Variants in DCDC2C observed in about 807,000 individuals in gnomAD.
The protein encoded by DCDC2C is doublecortin domain containing 2C.
In DCDC2C, 44 loss-of-function variants were observed where a neutral mutation model predicts 45.0. That is an observed-to-expected ratio of 0.98 (90% confidence interval 0.77 to 1.26). The LOEUF is 1.26. Ranked by LOEUF, DCDC2C falls within the 50% of genes most tolerant of loss-of-function variation. The pLI, the probability that DCDC2C is intolerant of heterozygous loss-of-function variation, is 0.00. For missense variants in DCDC2C, 447 were observed against 468.9 expected (o/e 0.95, Z 0.43); for synonymous variants, 187 against 178.8 (o/e 1.05, Z -0.37).
intron 10 of DCDC2C, among the ~76,000 whole-genome samples, chr2:3,813,653 T>TTTTTAC (rs1671475787): frequency 6.6e-6 from 1 of 151,112 alleles, no homozygotes; most frequent in Non-Finnish European, 1.5e-5. Flanking sequence ...TTTTTTTTTT[T>TTTTTAC]ACCATTATGT....
At chr2:3,833,596 A>C (rs1672003237) in intron 10 of DCDC2C, among the ~76,000 whole-genome samples, 1 of 152,204 alleles carries the variant, frequency 6.6e-6, no homozygotes, top group African/African-American at 2.4e-5. Context: ...GTCTAGCATA[A>C]GGTCCTTTGG....
chr2:3,787,106 C>T (rs1302785124), intron 10 of DCDC2C, among the ~76,000 whole-genome samples: 13 of 152,088 alleles, frequency 8.5e-5, no homozygotes, highest in African/African-American at 1.2e-4. Context: ...CCTAAGTGCA[C>T]GTGACTGGGA....
intron 2 of DCDC2C, among the ~76,000 whole-genome samples, chr2:3,712,103 G>A (rs1668226716): frequency 6.6e-6 from 1 of 152,168 alleles, no homozygotes; most frequent in South Asian, 2.1e-4. Flanking sequence ...AACCCTGAAT[G>A]AGTTGGAACC....
chr2:3,823,513 A>G (rs1018590104), intron 10 of DCDC2C, among the ~76,000 whole-genome samples: 1 of 152,114 alleles, frequency 6.6e-6, no homozygotes, highest in Non-Finnish European at 1.5e-5. Flanking sequence ...TAATTTCTTT[A>G]TCTTCTACCC....
chr2:3,760,838 A>C (rs890295444), intron 6 of DCDC2C, among the ~76,000 whole-genome samples: 1 of 113,544 alleles, frequency 8.8e-6, no homozygotes, highest in East Asian at 3.6e-4. Context: ...CAGAACTTAA[A>C]GTAAAATAAA....
At chr2:3,784,960 C>A in intron 9 of DCDC2C, 99 bp from the exon 10 acceptor site, 1 of 870,328 alleles carries the variant, frequency 1.1e-6, no homozygotes, top group Non-Finnish European at 1.5e-6. Context: ...AAGAATTTGA[C>A]CTCCCTGAGA....
At chr2:3,713,044 C>T (rs1668257820) in intron 2 of DCDC2C, among the ~76,000 whole-genome samples, 1 of 152,246 alleles carries the variant, frequency 6.6e-6, no homozygotes, top group Admixed American at 6.5e-5. Context: ...GGTTAAGCAC[C>T]ATCTGCTGTT....
At chr2:3,748,323 T>A (rs1392024909) in intron 4 of DCDC2C, among the ~76,000 whole-genome samples, 1 of 141,710 alleles carries the variant, frequency 7.1e-6, no homozygotes, top group Non-Finnish European at 1.5e-5. Context: ...TGGGACTTGC[T>A]GATCAACCTC....
chr2:3,776,294 G>A lies in DCDC2C; in HGVS notation c.955-2522G>A, dbSNP rs1277380377. Among the ~76,000 whole-genome samples, 10 of 152,328 alleles carry A rather than the reference G, an allele frequency of 6.6e-5. No individual in the cohort carries two copies. The East Asian group carries it at 1.9e-3, about 29-fold the overall frequency. On this transcript the variant is annotated intron_variant, in intron 8 of 10. Transcript: ENST00000399143. ...CTTGGTCTCAGTCCTCTTTGAGCGT[G>A]TCTGTCTCCCCTCATGCGTGGAGCT... is the stretch of plus-strand genomic sequence containing the variant.
intron 4 of DCDC2C, among the ~76,000 whole-genome samples, chr2:3,746,704 C>T (rs1329069518): frequency 6.6e-6 from 1 of 152,214 alleles, no homozygotes; most frequent in Non-Finnish European, 1.5e-5. Flanking sequence ...GAGGATTGCA[C>T]AGCCTTGCTG....
At chr2:3,704,252 T>C (rs1572542160) in intron 1 of DCDC2C, 3 of 405,616 alleles carry the variant, frequency 7.4e-6, no homozygotes, top group Non-Finnish European at 1.3e-5. Flanking sequence ...GCCCCCAGGG[T>C]CCCTTCCTAT....
intron 10 of DCDC2C, among the ~76,000 whole-genome samples, chr2:3,810,219 A>G (rs1207510887): frequency 6.6e-6 from 1 of 152,202 alleles, no homozygotes; most frequent in Non-Finnish European, 1.5e-5. Context: ...AACAGTGTAA[A>G]AGCATTCTGA....
chr2:3,837,613 A>C (rs1360162768), intron 10 of DCDC2C, among the ~76,000 whole-genome samples: 6 of 101,886 alleles, frequency 5.9e-5, no homozygotes, highest in East Asian at 2.5e-4. Context: ...AAAGGGGAAG[A>C]AACTGAGGAA....
In DCDC2C at chr2:3,769,155, G is replaced by A. The variant is rs1670092936; in HGVS notation, c.854-156G>A. 6.4e-6 allele frequency: 4 copies of A among 622,668 alleles called. No individual in the cohort carries two copies. In the Admixed American group the frequency reaches 8.1e-5, roughly 13 times the overall value. The allele number at this position is 622,668 out of a possible 1,614,324, so 38.6% of individuals were successfully genotyped here. A position where few individuals can be genotyped will look rare whatever the true frequency, so the allele number is the denominator to read the frequency against. ...CAAACAGGAAGGGCGAGAGGGAAACGGGGTGAGGCGGACGGGGTTTGGGAC... is the reference window on the plus strand; with the variant it reads ...CAAACAGGAAGGGCGAGAGGGAAACAGGGTGAGGCGGACGGGGTTTGGGAC... On this transcript the variant is annotated intron_variant, in intron 7 of 10. Transcript: ENST00000399143.
At chr2:3,770,000 A>T (rs6720814) in intron 8 of DCDC2C, among the ~76,000 whole-genome samples, 1 of 151,778 alleles carries the variant, frequency 6.6e-6, no homozygotes, top group Non-Finnish European at 1.5e-5. Flanking sequence ...AGGAGTGGGG[A>T]GCAGGGTTCT....
At chr2:3,788,999 G>A (rs115745142) in intron 10 of DCDC2C, among the ~76,000 whole-genome samples, 21 of 152,038 alleles carry the variant, frequency 1.4e-4, no homozygotes, top group Admixed American at 7.9e-4. Context: ...CACGTGTGCC[G>A]CCATACCCAG....
At chr2:3,716,292 A>G (rs1668347644) in intron 2 of DCDC2C, among the ~76,000 whole-genome samples, 1 of 152,112 alleles carries the variant, frequency 6.6e-6, no homozygotes, top group Non-Finnish European at 1.5e-5. Flanking sequence ...AGGGCTGGAG[A>G]AAGTCCAGGT....
In DCDC2C at chr2:3,727,627, C is replaced by G. The variant is rs112630458; in HGVS notation, c.416+548C>G. ...GGGATGCCGCTGGCAGTGCCAGGCA[C>G]CGAGGTGCTCAGTGGGAGGCACTGG... On this transcript the variant is annotated intron_variant, in intron 3 of 10. Coordinates refer to ENST00000399143, the MANE Select transcript of DCDC2C (RefSeq NM_001287444.2). 6.5e-3 allele frequency among the ~76,000 whole-genome samples: 987 copies of G among 152,318 alleles called. 13 individuals carry two copies. Among genetic ancestry groups the G allele is most frequent in the African/African-American group, 0.023 (943 of 41,570 alleles).
intron 10 of DCDC2C, among the ~76,000 whole-genome samples, chr2:3,823,214 G>A (rs1427696635): frequency 6.6e-6 from 1 of 151,856 alleles, no homozygotes; most frequent in Non-Finnish European, 1.5e-5. Flanking sequence ...TAATTTTTCT[G>A]TGGTTTCCTC....
Sources: gnomAD v4.1 joint callset for allele counts (sites outside exome capture counted in the v4.1 genomes callset) on GRCh38, gnomAD v4.1.1 for gene constraint, MANE v1.5 for transcripts, NCBI Gene and HGNC (gene_info 2026-07-23, HGNC 2026-07-21) for gene names.